RBFOX1: variants seen among roughly 807,000 people sequenced by gnomAD.
RBFOX1 encodes the protein RNA binding fox-1 homolog 1, also known as RNA binding protein fox-1 homolog 1.
In RBFOX1, 8 loss-of-function variants were observed where a neutral mutation model predicts 57.7. That is an observed-to-expected ratio of 0.14 (90% CI 0.08 to 0.25). RBFOX1 has a LOEUF of 0.25. RBFOX1 is among the 10% of genes least tolerant of loss of function. The probability of loss-of-function intolerance (pLI) is 1.00; values close to 1 mark genes in which losing one functional copy is unlikely to be tolerated. For synonymous variants in RBFOX1, 326 were observed against 222.4 expected, an observed-to-expected ratio of 1.47 and a Z score of -4.15; for missense variants, 611 against 548.5, an observed-to-expected ratio of 1.11 and a Z score of -1.14.
chr16:5,474,596 G>A (rs753969154), intron 2 of RBFOX1, among the ~76,000 whole-genome samples: 14 of 152,080 alleles, frequency 9.2e-5, no homozygotes, highest in Non-Finnish European at 1.9e-4. Context: ...AGAGGTTGCA[G>A]TGAGCTGAGA....
chr16:7,520,394 G>A (rs2077280643), intron 5 of RBFOX1, among the ~76,000 whole-genome samples: 1 of 151,930 alleles, frequency 6.6e-6, no homozygotes, highest in African/African-American at 2.4e-5. Flanking sequence ...ACCCCAAAAG[G>A]AAACCCCATA....
intron 4 of RBFOX1, among the ~76,000 whole-genome samples, chr16:7,232,312 A>G (rs1394540396): frequency 6.6e-6 from 1 of 152,180 alleles, no homozygotes; most frequent in Non-Finnish European, 1.5e-5. Context: ...AGACCAAGGG[A>G]GAAAACTTAA....
intron 4 of RBFOX1, among the ~76,000 whole-genome samples, chr16:7,392,425 T>C (rs995929549): frequency 1.3e-5 from 2 of 152,206 alleles, no homozygotes; most frequent in Non-Finnish European, 2.9e-5. Context: ...AGTGTCTGGC[T>C]CCTAGTAGGT....
intron 3 of RBFOX1, among the ~76,000 whole-genome samples, chr16:6,909,818 A>G (rs1213754121): frequency 1.3e-5 from 2 of 152,092 alleles, no homozygotes; most frequent in African/African-American, 2.4e-5. Context: ...CTGTTGATCT[A>G]AAGCAAGGTG....
At chr16:7,209,110 C>T (rs1025868858) in intron 4 of RBFOX1, among the ~76,000 whole-genome samples, 8 of 151,130 alleles carry the variant, frequency 5.3e-5, no homozygotes, top group East Asian at 1.9e-4. Context: ...GCCTGGCCAA[C>T]GTGGTGAAAC....
chr16:6,810,454 A>C (rs568258207), intron 3 of RBFOX1, among the ~76,000 whole-genome samples: 1 of 152,096 alleles, frequency 6.6e-6, no homozygotes, highest in African/African-American at 2.4e-5. Context: ...TGGCGACACA[A>C]AGGTATCTAA....
At chr16:6,834,870 C>G (rs1033742205) in intron 3 of RBFOX1, among the ~76,000 whole-genome samples, 5 of 148,396 alleles carry the variant, frequency 3.4e-5, no homozygotes, top group African/African-American at 9.9e-5. Context: ...GGCCAATTAA[C>G]TTCAAAGGCC....
chr16:6,366,109 GT>G, intron 2 of RBFOX1, among the ~76,000 whole-genome samples: 1 of 151,826 alleles, frequency 6.6e-6, no homozygotes, highest in Non-Finnish European at 1.5e-5. Flanking sequence ...GTGTGTGTGT[GT>G]GTGTGTGTGT....
At position 7,524,539 on chromosome 16, in the gene RBFOX1, C is replaced by G. The variant is rs569435429; in HGVS notation, c.270+6150C>G. 3.2e-4 allele frequency among the ~76,000 whole-genome samples: 49 copies of G among 152,308 alleles called. 1 individual carries two copies. The highest frequency in any genetic ancestry group is 1.2e-3 in the African/African-American group (49 of 41,570). ...CAAGTGGTGAATTCTCCATGTATCT[C>G]CAACAGCAACTTAACTTCTATTTTT... On this transcript the variant is annotated intron_variant, in intron 5 of 15. Coordinates refer to ENST00000550418, the MANE Select transcript of RBFOX1 (RefSeq NM_018723.4).
chr16:6,853,091 A>C (rs958893201), intron 3 of RBFOX1, among the ~76,000 whole-genome samples: 22 of 152,222 alleles, frequency 1.4e-4, no homozygotes, highest in African/African-American at 5.3e-4. Flanking sequence ...ACACAGTTCT[A>C]TCCCTCCCTC....
At chr16:7,113,254 G>C (rs2065172095) in intron 4 of RBFOX1, among the ~76,000 whole-genome samples, 1 of 152,174 alleles carries the variant, frequency 6.6e-6, no homozygotes, top group African/African-American at 2.4e-5. Context: ...GGAGACCCAA[G>C]AGTGTACCTC....
At chr16:5,665,236 C>A (rs1354942890) in intron 3 of RBFOX1, among the ~76,000 whole-genome samples, 3 of 152,054 alleles carry the variant, frequency 2.0e-5, no homozygotes, top group African/African-American at 7.3e-5. Context: ...CAGGCAGGAG[C>A]CACTGCTTCT....
chr16:6,829,570 A>G (rs912383680), intron 3 of RBFOX1, among the ~76,000 whole-genome samples: 9 of 151,704 alleles, frequency 5.9e-5, no homozygotes, highest in African/African-American at 1.4e-4. Context: ...AGGTATTTGC[A>G]TAATCATGTG....
intron 4 of RBFOX1, among the ~76,000 whole-genome samples, chr16:5,869,018 G>A (rs1335246354): frequency 6.6e-6 from 1 of 152,148 alleles, no homozygotes; most frequent in Admixed American, 6.5e-5. Context: ...CTATTTCACA[G>A]AAGAGTGAAC....
chr16:7,324,168 A>G (rs1050766629), intron 4 of RBFOX1, among the ~76,000 whole-genome samples: 11 of 152,328 alleles, frequency 7.2e-5, no homozygotes, highest in African/African-American at 2.6e-4. Context: ...ACAATGAGCC[A>G]TCTGATGAGC....
rs565076626 is a variant in RBFOX1, at chr16:6,326,018, G to A, written c.-64+8961G>A. 1.8e-4 allele frequency among the ~76,000 whole-genome samples: 28 copies of A among 152,320 alleles called. 1 individual carries two copies. Among genetic ancestry groups the A allele is most frequent in the South Asian group, 8.3e-4 (4 of 4,826 alleles). On this transcript the variant is annotated intron_variant, in intron 2 of 15. Coordinates refer to ENST00000550418, the MANE Select transcript of RBFOX1 (RefSeq NM_018723.4). ...CTCTCCCACTGACTGACTTGTGTGC[G>A]TGAGTGTGTGTGTGTGTACATGCAT...
intron 4 of RBFOX1, among the ~76,000 whole-genome samples, chr16:7,252,513 T>G (rs961291224): frequency 2.6e-5 from 4 of 152,176 alleles, no homozygotes; most frequent in African/African-American, 9.7e-5. Context: ...ATCTTTATAT[T>G]TCTGGCTTTT....
chr16:5,449,263 C>T (rs1274530617), intron 1 of RBFOX1, among the ~76,000 whole-genome samples: 2 of 152,152 alleles, frequency 1.3e-5, no homozygotes, highest in Non-Finnish European at 2.9e-5. Flanking sequence ...GAAATGCTTC[C>T]CCTGCCCTGC....
chr16:6,468,334 G>C (rs1444850778), intron 2 of RBFOX1, among the ~76,000 whole-genome samples: 1 of 152,190 alleles, frequency 6.6e-6, no homozygotes, highest in East Asian at 1.9e-4. Context: ...ATTCATCATA[G>C]AACTTTAAGC....
Sources: gnomAD v4.1 joint callset for allele counts (sites outside exome capture counted in the v4.1 genomes callset) on GRCh38, gnomAD v4.1.1 for gene constraint, MANE v1.5 for transcripts, NCBI Gene and HGNC (gene_info 2026-07-23, HGNC 2026-07-21) for gene names.